Variants in EEF2K observed in about 807,000 individuals in gnomAD.
The protein encoded by EEF2K is alternative protein EEF2K.
Under a neutral mutation model 93.8 loss-of-function variants are expected in EEF2K, and 70 were observed. That is an observed-to-expected ratio of 0.75 (90% confidence interval 0.62 to 0.91). The LOEUF (loss-of-function observed/expected upper bound fraction) is 0.91, where lower values mean the gene tolerates loss of function less well. Ranked by LOEUF, EEF2K falls within the 40% of genes least tolerant of loss-of-function variation. EEF2K has a pLI of 0.00. For missense variants in EEF2K, 935 were observed against 972.9 expected (o/e 0.96, Z 0.52); for synonymous variants, 376 against 380.8 (o/e 0.99, Z 0.15).
chr16:22,230,947 T>A (rs4783449), intron 2 of EEF2K, among the ~76,000 whole-genome samples: 1 of 150,758 alleles, frequency 6.6e-6, no homozygotes, highest in African/African-American at 2.4e-5. Flanking sequence ...TCTAAAACAG[T>A]GCCTACTATT....
At chr16:22,265,647 C>T (rs571337552) in intron 13 of EEF2K, among the ~76,000 whole-genome samples, 1 of 152,352 alleles carries the variant, frequency 6.6e-6, no homozygotes, top group South Asian at 2.1e-4. Context: ...TACTGGCATT[C>T]TGGGCTGAAT....
chr16:22,286,200 G>C lies in EEF2K; in HGVS notation c.*2204G>C, dbSNP rs2047751490. 1 of 152,142 alleles carries C rather than the reference G, an allele frequency of 6.6e-6. No individual in the cohort carries two copies. Among genetic ancestry groups the C allele is most frequent in the Admixed American group, 6.6e-5 (1 of 15,264 alleles). The allele number at this position is 152,142 out of a possible 1,614,324, so 9.4% of individuals were successfully genotyped here. A position where few individuals can be genotyped will look rare whatever the true frequency, so the allele number is the denominator to read the frequency against. On this transcript the variant is annotated 3_prime_UTR_variant, in exon 18 of 18. Transcript: ENST00000263026. ...TGAAGTTGGAACTGATCACCCTTTT[G>C]TCATCTGTACCAGATCAGTAGTTGG...
At chr16:22,269,813 A>G (rs910359887) in intron 15 of EEF2K, among the ~76,000 whole-genome samples, 1 of 152,128 alleles carries the variant, frequency 6.6e-6, no homozygotes, top group African/African-American at 2.4e-5. Flanking sequence ...TCCATATACA[A>G]ATATGAAATA....
chr16:22,278,094 C>T (rs2047656312), intron 16 of EEF2K, among the ~76,000 whole-genome samples: 1 of 152,080 alleles, frequency 6.6e-6, no homozygotes, highest in Non-Finnish European at 1.5e-5. Flanking sequence ...GTCATCCCAG[C>T]TACTCAGGAG....
At chr16:22,280,125 T>C in intron 16 of EEF2K, 73 bp from the exon 17 acceptor site, 1 of 1,386,492 alleles carries the variant, frequency 7.2e-7, no homozygotes, top group Non-Finnish European at 9.4e-7. Context: ...TTGCCCCTCC[T>C]GCTGGAAGGC....
At chr16:22,255,928 T>C (rs2047394245) in intron 6 of EEF2K, among the ~76,000 whole-genome samples, 1 of 151,566 alleles carries the variant, frequency 6.6e-6, no homozygotes, top group Admixed American at 6.6e-5. Context: ...ATTTTTTTTT[T>C]TTTAAGACGG....
intron 2 of EEF2K, among the ~76,000 whole-genome samples, chr16:22,239,399 G>A (rs2141661566): frequency 6.6e-6 from 1 of 152,288 alleles, no homozygotes; most frequent in East Asian, 1.9e-4. Flanking sequence ...GTACAGACAT[G>A]CTTGGAAGGG....
At position 22,288,399 on chromosome 16, in the gene EEF2K, C is replaced by G. The variant is rs1217854379; in HGVS notation, c.*4403C>G. 6.6e-6 allele frequency: 1 copy of G among 152,408 alleles called. No individual in the cohort carries two copies. Among genetic ancestry groups the G allele is most frequent in the Non-Finnish European group, 1.5e-5 (1 of 68,190 alleles). 9.4% of individuals were successfully genotyped at this position (152,408 alleles called of 1,614,324 possible). A position where few individuals can be genotyped will look rare whatever the true frequency, so the allele number is the denominator to read the frequency against. On this transcript the variant is annotated 3_prime_UTR_variant, in exon 18 of 18. Coordinates refer to ENST00000263026, the MANE Select transcript of EEF2K (RefSeq NM_013302.5). Reference sequence around the variant, plus strand: ...TCAAGTGATCCTCCCACCTCAGCCTCCCAAAGCATTGGGGTTACAGGCGTG... The same window carrying G: ...TCAAGTGATCCTCCCACCTCAGCCTGCCAAAGCATTGGGGTTACAGGCGTG...
At chr16:22,247,018 A>ATGGGGAGATTCTGTGT (rs2047299354) in intron 3 of EEF2K, among the ~76,000 whole-genome samples, 2 of 136,866 alleles carry the variant, frequency 1.5e-5, no homozygotes, top group East Asian at 2.5e-4. Flanking sequence ...AGCCTGGGTG[A>ATGGGGAGATTCTGTGT]CAGAGCGAGA....
At chr16:22,256,966 C>T in intron 7 of EEF2K, 69 bp downstream of exon 7, 2 of 1,590,082 alleles carry the variant, frequency 1.3e-6, no homozygotes, top group East Asian at 2.2e-5. Flanking sequence ...CCAGGCTCAG[C>T]CCCTAAAGAG....
chr16:22,257,508 T>C, intron 8 of EEF2K, 123 bp downstream of exon 8: 1 of 1,546,112 alleles, frequency 6.5e-7, no homozygotes. Flanking sequence ...ATCATGGAGA[T>C]GGGAGCCTGG....
At position 22,244,740 on chromosome 16, in the gene EEF2K, T is replaced by C. The variant is rs1262598578; in HGVS notation, c.347+10T>C. 1 of 1,613,380 alleles carries C rather than the reference T, an allele frequency of 6.2e-7. No homozygotes were observed. The highest frequency in any genetic ancestry group is 1.3e-5 in the African/African-American group (1 of 74,862). ...GTGCTACTCGACACAGGTCAGCAGC[T>C]TGTGTGGGGTCTCGAGGAGTCCTGG... On this transcript the variant is annotated intron_variant, in intron 3 of 17. Transcript: ENST00000263026.
Position 22,266,522 on chromosome 16 carries a change from A to C in EEF2K, c.1573A>C (p.Lys525Gln), listed in dbSNP as rs2047520758. 3 of 1,614,144 alleles carry C rather than the reference A, an allele frequency of 1.9e-6. No homozygotes were observed. The highest frequency in any genetic ancestry group is 2.5e-6 in the Non-Finnish European group (3 of 1,180,006). ...GAAAATCGGGAAGTCCATTTTGGGG[A>C]AGGTATCGGCGATGCCCATTTTGGA... ...EKKIGKSILG[K>Q]VHLAMVRYHE... The change falls in exon 14 of 18, where the codon AAG becomes CAG. Residue 525 changes from lysine (K) to glutamine (Q), a missense_variant and splice_region_variant. Transcript: ENST00000263026.
chr16:22,215,652 C>T (rs539910587), intron 1 of EEF2K, among the ~76,000 whole-genome samples: 3 of 152,262 alleles, frequency 2.0e-5, no homozygotes, highest in South Asian at 2.1e-4. Flanking sequence ...CAGCCAGACA[C>T]GGTGACTCAC....
At chr16:22,232,323 C>G (rs1433925159) in intron 2 of EEF2K, among the ~76,000 whole-genome samples, 1 of 152,064 alleles carries the variant, frequency 6.6e-6, no homozygotes, top group African/African-American at 2.4e-5. Context: ...AACTCCTGGG[C>G]TTGAGCGATC....
chr16:22,273,605 C>G (rs776460121), intron 15 of EEF2K, 21 bp from the exon 16 acceptor site: 3 of 1,613,200 alleles, frequency 1.9e-6, no homozygotes, highest in East Asian at 2.2e-5. Context: ...TTCTTTCTCC[C>G]TCTTTGGTTT....
intron 1 of EEF2K, among the ~76,000 whole-genome samples, chr16:22,223,174 T>C (rs527753956): frequency 6.6e-6 from 1 of 152,232 alleles, no homozygotes; most frequent in South Asian, 2.1e-4. Flanking sequence ...GTTTCATCCA[T>C]ATTGTAGTGT....
chr16:22,233,068 C>T (rs561878742), intron 2 of EEF2K, among the ~76,000 whole-genome samples: 201 of 152,260 alleles, frequency 1.3e-3, no homozygotes, highest in Non-Finnish European at 2.0e-3. Context: ...TTCAGGGGGC[C>T]GCCCTCTCCA....
rs2047481921 is a variant in EEF2K at position 22,263,092 on chromosome 16, GC to G, written c.1300-16del. ...CTCAGGGGACCACCAGGACCCTAAG[GC>G]CGTCTTCTCTCCACAGGAGTCTGAG... On this transcript the variant is annotated splice_polypyrimidine_tract_variant and intron_variant, in intron 11 of 17. Transcript: ENST00000263026. The G allele has an allele frequency of 1.9e-6, 3 of 1,608,926 alleles. No homozygotes were observed. Among genetic ancestry groups the G allele is most frequent in the Non-Finnish European group, 2.5e-6 (3 of 1,177,610 alleles).
Sources: allele counts gnomAD v4.1 joint callset (sites outside exome capture counted in the v4.1 genomes callset), GRCh38; gene constraint gnomAD v4.1.1; transcripts MANE v1.5; gene names NCBI Gene and HGNC (gene_info 2026-07-23, HGNC 2026-07-21).